ARHGEF4: variants seen among roughly 807,000 people sequenced by gnomAD.
ARHGEF4 encodes the protein Rho guanine nucleotide exchange factor 4.
In ARHGEF4, 119 loss-of-function variants were observed where a neutral mutation model predicts 162.0. The observed-to-expected ratio is 0.73, with a 90% CI of 0.63 to 0.86. The LOEUF (loss-of-function observed/expected upper bound fraction) is 0.86, where lower values mean the gene tolerates loss of function less well. ARHGEF4 is among the 40% of genes least tolerant of loss of function. The pLI, the probability that ARHGEF4 is intolerant of heterozygous loss-of-function variation, is 0.00. For synonymous variants in ARHGEF4, 1,014 were observed against 979.9 expected (o/e 1.03, Z -0.65); for missense variants, 2,488 against 2,456.0 (o/e 1.01, Z -0.28).
At chr2:130,938,402 G>A (rs1004378788) in intron 3 of ARHGEF4, among the ~76,000 whole-genome samples, 3 of 152,150 alleles carry the variant, frequency 2.0e-5, no homozygotes, top group African/African-American at 7.2e-5. Context: ...TTTTGGAAAT[G>A]GTTGGGTTCT....
chr2:130,978,920 G>T (rs774798667), intron 4 of ARHGEF4, among the ~76,000 whole-genome samples: 3 of 152,192 alleles, frequency 2.0e-5, no homozygotes, highest in Non-Finnish European at 4.4e-5. Context: ...GAACACATCA[G>T]CCTTTCAATT....
chr2:130,929,569 G>A lies in ARHGEF4; in HGVS notation c.3553-1383G>A, dbSNP rs144932066. On this transcript the variant is annotated intron_variant, in intron 2 of 13. Transcript: ENST00000409359. ...TTCTACCATAAAAATAAACTCTATC[G>A]AGGAGCTTTATTTAAAATAAGAACT... 2.0e-3 allele frequency among the ~76,000 whole-genome samples: 297 copies of A among 152,094 alleles called. 3 individuals carry two copies. Among genetic ancestry groups the A allele is most frequent in the African/African-American group, 6.8e-3 (282 of 41,472 alleles).
intron 4 of ARHGEF4, among the ~76,000 whole-genome samples, chr2:130,962,571 T>C (rs1334003366): frequency 6.6e-6 from 1 of 152,122 alleles, no homozygotes; most frequent in Non-Finnish European, 1.5e-5. Flanking sequence ...GGGCCTCTTA[T>C]GGTACAGAGC....
rs577646889 is a variant in ARHGEF4 at position 131,040,143 on chromosome 2, T to C, written c.4433T>C (p.Ile1478Thr). 2 of 1,613,214 alleles carry C rather than the reference T, an allele frequency of 1.2e-6. No individual in the cohort carries two copies. The highest frequency in any genetic ancestry group is 2.2e-5 in the East Asian group (1 of 44,830). The change falls in exon 7 of 14, where the codon ATC becomes ACC. Residue 1478 changes from isoleucine (I) to threonine (T), a missense_variant. This residue lies in a region of ARHGEF4 where 174 missense variants were observed against 148.3 expected (regional missense o/e 1.17). Transcript: ENST00000409359. The part of the protein sequence containing the change: ...DQMRTNVINE[I>T]LSTERDYIKH... ...ATGCGGACCAACGTCATCAACGAGA[T>C]CCTCAGCACTGAGCGGGACTACATC...
chr2:130,868,624 C>G (rs958192948), intron 1 of ARHGEF4, among the ~76,000 whole-genome samples: 1 of 152,144 alleles, frequency 6.6e-6, no homozygotes, highest in African/African-American at 2.4e-5. Context: ...GAGGCCAGGT[C>G]AGGCAGGAAG....
At chr2:130,962,112 G>C (rs1020933650) in intron 4 of ARHGEF4, among the ~76,000 whole-genome samples, 1 of 152,096 alleles carries the variant, frequency 6.6e-6, no homozygotes, top group Non-Finnish European at 1.5e-5. Flanking sequence ...GGTGGCGCGT[G>C]CCTGTAATCC....
Position 130,929,441 on chromosome 2 carries a change from G to A in ARHGEF4, c.3553-1511G>A, listed in dbSNP as rs556437014. Among the ~76,000 whole-genome samples, 83 of 152,234 alleles carry A rather than the reference G, an allele frequency of 5.5e-4. 1 individual carries two copies. The highest frequency in any genetic ancestry group is 5.4e-3 in the Admixed American group (83 of 15,296). ...ATTTTAGAATACCTCAGATTAAGCA[G>A]AGAATCTATAATTAAATCCTAATCT... On this transcript the variant is annotated intron_variant, in intron 2 of 13. Coordinates refer to ENST00000409359, the MANE Select transcript of ARHGEF4 (RefSeq NM_001367493.1).
At chr2:130,905,495 A>T (rs1225535410) in intron 1 of ARHGEF4, among the ~76,000 whole-genome samples, 1 of 152,130 alleles carries the variant, frequency 6.6e-6, no homozygotes, top group Non-Finnish European at 1.5e-5. Context: ...TCTCATGGTG[A>T]TTCTCTATTT....
chr2:130,926,046 TTC>T (rs137879000), intron 2 of ARHGEF4, among the ~76,000 whole-genome samples: 317 of 15,994 alleles, frequency 0.02, 1 homozygote, highest in African/African-American at 0.051. Context: ...CTTTCTTTCT[TTC>T]TCTTTCTTTC....
At position 131,043,366 on chromosome 2, in the gene ARHGEF4, G is replaced by C. The variant is rs552674822; in HGVS notation, c.5026-86G>C. 41 of 1,573,058 alleles carry C rather than the reference G, an allele frequency of 2.6e-5. 1 individual carries two copies. In the Admixed American group the frequency reaches 7.0e-4, roughly 27 times the overall value. On this transcript the variant is annotated intron_variant, in intron 10 of 13. Transcript: ENST00000409359. ...GCGCTGCAGGCAAGGCCAGGGGGAG[G>C]TGCGCCACCCACCCATGATGGGGGC...
chr2:130,889,425 C>CT (rs1445318075), intron 1 of ARHGEF4, among the ~76,000 whole-genome samples: 1 of 152,138 alleles, frequency 6.6e-6, no homozygotes, highest in African/African-American at 2.4e-5. Flanking sequence ...TTTCTTCCGT[C>CT]TAAGATTGCT....
At chr2:130,855,330 C>G (rs1681703119) in intron 1 of ARHGEF4, among the ~76,000 whole-genome samples, 1 of 152,156 alleles carries the variant, frequency 6.6e-6, no homozygotes, top group Admixed American at 6.5e-5. Flanking sequence ...TGACAATCCA[C>G]TGGGACTCAC....
At chr2:131,003,752 G>C (rs1687927159) in intron 4 of ARHGEF4, among the ~76,000 whole-genome samples, 1 of 152,204 alleles carries the variant, frequency 6.6e-6, no homozygotes, top group Non-Finnish European at 1.5e-5. Flanking sequence ...AGAAATGCCA[G>C]GGCAAAGATG....
Position 130,950,593 on chromosome 2 carries a change from G to A in ARHGEF4, c.3985+3958G>A, listed in dbSNP as rs780931852. On this transcript the variant is annotated intron_variant, in intron 4 of 13. Coordinates refer to ENST00000409359, the MANE Select transcript of ARHGEF4 (RefSeq NM_001367493.1). Reference sequence around the variant, plus strand: ...GTTGAGCTATAGTCATATACAGTTCGGTGGCAGGATATTCACAGATACGTG... The same window carrying A: ...GTTGAGCTATAGTCATATACAGTTCAGTGGCAGGATATTCACAGATACGTG... Among the ~76,000 whole-genome samples the A allele has an allele frequency of 3.3e-5, 5 of 152,108 alleles. No individual in the cohort carries two copies. In the South Asian group the frequency reaches 8.3e-4, roughly 25 times the overall value.
Position 130,999,462 on chromosome 2 carries a change from G to A in ARHGEF4, c.3986-28483G>A, listed in dbSNP as rs528399932. On this transcript the variant is annotated intron_variant, in intron 4 of 13. Transcript: ENST00000409359. ...TGAGCCACTGTGCCCGGCCATAATCGAGTTTTAAGAGTCGTGTATTTTTGA... is the reference window on the plus strand; with the variant it reads ...TGAGCCACTGTGCCCGGCCATAATCAAGTTTTAAGAGTCGTGTATTTTTGA... Among the ~76,000 whole-genome samples the A allele has an allele frequency of 3.9e-5, 6 of 152,024 alleles. No individual in the cohort carries two copies. In the East Asian group the frequency reaches 5.8e-4, roughly 15 times the overall value.
intron 1 of ARHGEF4, among the ~76,000 whole-genome samples, chr2:130,845,004 A>G (rs1475874213): frequency 1.3e-5 from 2 of 151,516 alleles, no homozygotes; most frequent in Non-Finnish European, 2.9e-5. Context: ...TTGTATTTTT[A>G]GTAGAGACTG....
intron 1 of ARHGEF4, among the ~76,000 whole-genome samples, chr2:130,892,309 G>A (rs1022215765): frequency 5.3e-5 from 8 of 152,264 alleles, no homozygotes; most frequent in Admixed American, 5.2e-4. Flanking sequence ...CAGTTCTCCA[G>A]TAGACGTCGA....
In ARHGEF4 at chr2:130,973,844, AG is replaced by A. The variant is rs1413659112; in HGVS notation, c.3985+27213del. Among the ~76,000 whole-genome samples the A allele has an allele frequency of 4.6e-5, 7 of 152,330 alleles. No individual in the cohort carries two copies. The East Asian group carries it at 5.8e-4, about 13-fold the overall frequency. On this transcript the variant is annotated intron_variant, in intron 4 of 13. Transcript: ENST00000409359. The stretch of plus-strand genomic sequence containing the variant: ...AGAGAATAGATGATTTATACTTTCC[AG>A]GGGCCTACTGGGAAATCTCAAAGAT...
intron 1 of ARHGEF4, among the ~76,000 whole-genome samples, chr2:130,876,123 T>C (rs1166250534): frequency 6.6e-6 from 1 of 152,186 alleles, no homozygotes; most frequent in African/African-American, 2.4e-5. Flanking sequence ...GCTTTCCCCA[T>C]GTCCTCACCC....
Sources: allele counts gnomAD v4.1 joint callset (sites outside exome capture counted in the v4.1 genomes callset), GRCh38; gene constraint gnomAD v4.1.1; regional missense constraint gnomAD v4.1.1; transcripts MANE v1.5; gene names NCBI Gene and HGNC (gene_info 2026-07-23, HGNC 2026-07-21).